Variants in SP8 observed in about 807,000 individuals in gnomAD.
SP8 encodes transcription factor Sp8.
A neutral mutation model predicts 15.3 loss-of-function variants in SP8; 7 were observed. The ratio of observed to expected loss-of-function variants is 0.46; its 90% CI spans 0.26 to 0.86. The LOEUF is 0.86. Ranked by LOEUF, SP8 falls within the 40% of genes least tolerant of loss-of-function variation. The pLI is 0.16. For synonymous variants in SP8, 415 were observed against 356.3 expected, an observed-to-expected ratio of 1.16 and a Z score of -1.86; for missense variants, 731 against 736.4, an observed-to-expected ratio of 0.99 and a Z score of 0.09.
In SP8 at chr7:20,785,404, G is replaced by A; in HGVS notation, c.413C>T (p.Pro138Leu). ...AAAAAAASSS[P>L]FANDYSVFQA... ...GAAAACAGAGTAGTCGTTGGCGAAGGGCGAGCTGGAGGCGGCGGCTGCGGC... is the reference window on the plus strand; with the variant it reads ...GAAAACAGAGTAGTCGTTGGCGAAGAGCGAGCTGGAGGCGGCGGCTGCGGC... Residue 138 changes from proline (P) to leucine (L), a missense_variant, in exon 2 of 2, where the codon CCC becomes CTC. Pro to Leu is a moderately conservative substitution (Grantham distance 98). Transcript: ENST00000418710. The surrounding 1 kb of genome is among the most constrained non-coding windows in gnomAD (Gnocchi z 7.2). 1 of 1,246,544 alleles carries A rather than the reference G, an allele frequency of 8.0e-7. No individual in the cohort carries two copies. The highest frequency in any genetic ancestry group is 1.0e-6 in the Non-Finnish European group (1 of 976,014). 77.2% of individuals were successfully genotyped at this position (1,246,544 alleles called of 1,614,324 possible).
At position 20,784,252 on chromosome 7, in the gene SP8, G is replaced by C; in HGVS notation, c.*38C>G. On this transcript the variant is annotated 3_prime_UTR_variant, in exon 2 of 2. Transcript: ENST00000418710. Reference sequence around the variant, plus strand: ...AGACAGGGCCCAAGAGGACTTGGTGGGAGGAGGTCGGGGAGAGGGGCGGGC... The same window carrying C: ...AGACAGGGCCCAAGAGGACTTGGTGCGAGGAGGTCGGGGAGAGGGGCGGGC... 1 of 1,430,930 alleles carries C rather than the reference G, an allele frequency of 7.0e-7. No individual in the cohort carries two copies. Among genetic ancestry groups the C allele is most frequent in the South Asian group, 1.5e-5 (1 of 68,718 alleles). The allele number at this position is 1,430,930 out of a possible 1,614,324, so 88.6% of individuals were successfully genotyped here.
At position 20,785,479 on chromosome 7, in the gene SP8, G is replaced by C. The variant is rs1369725281; in HGVS notation, c.338C>G (p.Ser113Cys). 7.9e-7 allele frequency: 1 copy of C among 1,262,164 alleles called. No individual in the cohort carries two copies. Among genetic ancestry groups the C allele is most frequent in the Non-Finnish European group, 1.0e-6 (1 of 997,724 alleles). 78.2% of individuals were successfully genotyped at this position (1,262,164 alleles called of 1,614,324 possible). A position where few individuals can be genotyped will look rare whatever the true frequency, so the allele number is the denominator to read the frequency against. The change falls in exon 2 of 2, where the codon TCC (serine) becomes TGC (cysteine). Residue 113 changes from serine (S) to cysteine (C), a missense_variant. Ser to Cys is a moderately radical substitution (Grantham distance 112). Transcript: ENST00000418710. The surrounding 1 kb of genome is among the most constrained non-coding windows in gnomAD (Gnocchi z 7.2). ...DSFSCGGSPG[S>C]SAFSLTSSSA... ...GCTGGAGGTGAGGGAGAAGGCGCTG[G>C]AGCCAGGCGAGCCGCCGCAGCTGAA...
rs368162750 is a variant in SP8, at chr7:20,784,872, C to A, written c.945G>T (p.Ser315=). The change falls in exon 2 of 2, where the codon TCG becomes TCT. Residue 315 remains serine, a synonymous_variant. Coordinates refer to ENST00000418710, the MANE Select transcript of SP8 (RefSeq NM_182700.6). ...TGGAGCCCCCCGCGCCGGCCAGCGG[C>A]GACGGGGCCGAGTCCGGGTAGGAGC... The part of the protein sequence containing the change: ...LPGSYPDSAP[S]PLAGAGGSML... 2 of 1,526,360 alleles carry A rather than the reference C, an allele frequency of 1.3e-6. No individual in the cohort carries two copies. The highest frequency in any genetic ancestry group is 8.7e-7 in the Non-Finnish European group (1 of 1,143,160). The allele number at this position is 1,526,360 out of a possible 1,614,324, so 94.6% of individuals were successfully genotyped here.
In SP8 at chr7:20,784,786, T is replaced by C. The variant is rs1345407182; in HGVS notation, c.1031A>G (p.Tyr344Cys). Residue 344 changes from tyrosine to cysteine, a missense_variant, in exon 2 of 2, where the codon TAC becomes TGC. Transcript: ENST00000418710. ...GGSPRSSARR[Y>C]SGRATCDCPN... ...GCAGTCGCAGGTGGCGCGGCCGGAG[T>C]AGCGGCGAGCTGAGGAGCGCGGGGA... 1.9e-6 allele frequency: 3 copies of C among 1,540,240 alleles called. No homozygotes were observed. Among genetic ancestry groups the C allele is most frequent in the South Asian group, 1.2e-5 (1 of 84,562 alleles).
At position 20,784,295 on chromosome 7, in the gene SP8, C is replaced by A; in HGVS notation, c.1522G>T (p.Glu508Ter). ...PPEPGHRNGLE is the reference protein window; with the variant it reads ...PPEPGHRNGL ...GGGCGGGCGCAGGGTGGGCGTCACT[C>A]TAGGCCGTTGCGGTGCCCGGGCTCG... Residue 508 changes from glutamate (E) to a stop codon, truncating the protein, a stop_gained, in exon 2 of 2, where the codon GAG becomes TAG. Transcript: ENST00000418710. LOFTEE classifies it high-confidence loss of function. The A allele has an allele frequency of 6.7e-7, 1 of 1,491,142 alleles. No homozygotes were observed. The highest frequency in any genetic ancestry group is 8.9e-7 in the Non-Finnish European group (1 of 1,128,376). The allele number at this position is 1,491,142 out of a possible 1,614,324, so 92.4% of individuals were successfully genotyped here.
chr7:20,786,644 A>G lies in SP8; in HGVS notation c.21+134T>C. 1.3e-6 allele frequency: 1 copy of G among 769,850 alleles called. No individual in the cohort carries two copies. Among genetic ancestry groups the G allele is most frequent in the Non-Finnish European group, 2.3e-6 (1 of 441,156 alleles). The allele number at this position is 769,850 out of a possible 1,614,324, so 47.7% of individuals were successfully genotyped here. A position where few individuals can be genotyped will look rare whatever the true frequency, so the allele number is the denominator to read the frequency against. ...TTTTCTTTTCTCCAAACTCACTTGTATTTAAAGAAAAAAAAAAAAAGCTCT... is the reference window on the plus strand; with the variant it reads ...TTTTCTTTTCTCCAAACTCACTTGTGTTTAAAGAAAAAAAAAAAAAGCTCT... On this transcript the variant is annotated intron_variant, in intron 1 of 1. Transcript: ENST00000418710. This position sits in a 1 kb window ranked among gnomAD's most constrained non-coding sequence, Gnocchi z 4.4.
rs1346875868 is a variant in SP8 at position 20,784,789 on chromosome 7, C to A, written c.1028G>T (p.Arg343Leu). Residue 343 changes from arginine (R) to leucine (L), a missense_variant, in exon 2 of 2, where the codon CGC becomes CTC. Around this residue, in one of 3 missense-constraint regions of SP8, gnomAD observed 586 missense variants for 524.9 expected, o/e 1.12. Transcript: ENST00000418710. ...GTCGCAGGTGGCGCGGCCGGAGTAGCGGCGAGCTGAGGAGCGCGGGGAGCC... is the reference window on the plus strand; with the variant it reads ...GTCGCAGGTGGCGCGGCCGGAGTAGAGGCGAGCTGAGGAGCGCGGGGAGCC... ...LGGSPRSSAR[R>L]YSGRATCDCP... 1.1e-5 allele frequency: 17 copies of A among 1,538,668 alleles called. No individual in the cohort carries two copies. The highest frequency in any genetic ancestry group is 1.5e-5 in the Non-Finnish European group (17 of 1,149,128).
chr7:20,785,529 AGCCGCGGCTGCTGCCGCGGCCGCCG>A lies in SP8; in HGVS notation c.263_287del (p.Ala88ValfsTer181). On this transcript the variant is annotated frameshift_variant, in exon 2 of 2. Coordinates refer to ENST00000418710, the MANE Select transcript of SP8 (RefSeq NM_182700.6). LOFTEE classifies it low-confidence loss of function (END_TRUNC). This position sits in a 1 kb window ranked among gnomAD's most constrained non-coding sequence, Gnocchi z 7.2. ...ACGAGTCGGACACCAGGGCCGCGGC[AGCCGCGGCTGCTGCCGCGGCCGCCG>A]CAGCCGCCGAGGACGAGCCGCCGTT... The A allele has an allele frequency of 8.7e-7, 1 of 1,143,700 alleles. No homozygotes were observed. The highest frequency in any genetic ancestry group is 1.7e-5 in the African/African-American group (1 of 57,698). The allele number at this position is 1,143,700 out of a possible 1,614,324, so 70.8% of individuals were successfully genotyped here. A position where few individuals can be genotyped will look rare whatever the true frequency, so the allele number is the denominator to read the frequency against.
chr7:20,785,953 A>T lies in SP8; in HGVS notation c.22-158T>A, dbSNP rs879469276. On this transcript the variant is annotated intron_variant, in intron 1 of 1. Transcript: ENST00000418710. The surrounding 1 kb of genome is among the most constrained non-coding windows in gnomAD (Gnocchi z 7.2). ...GCGCGCCGCCACCAACTCACCTGGC[A>T]CCCCCAACAGCCCCGGCGCCCGGCC... The T allele has an allele frequency of 1.4e-6, 2 of 1,457,508 alleles. No individual in the cohort carries two copies. The highest frequency in any genetic ancestry group is 1.8e-6 in the Non-Finnish European group (2 of 1,103,592). The allele number at this position is 1,457,508 out of a possible 1,614,324, so 90.3% of individuals were successfully genotyped here. A position where few individuals can be genotyped will look rare whatever the true frequency, so the allele number is the denominator to read the frequency against.
chr7:20,785,524 G>T lies in SP8; in HGVS notation c.293C>A (p.Ala98Glu). ...GCTGAACGAGTCGGACACCAGGGCC[G>T]CGGCAGCCGCGGCTGCTGCCGCGGC... ...AAAAAAAAAAAALVSDSFSCG... is the reference protein window; with the variant it reads ...AAAAAAAAAAEALVSDSFSCG... Residue 98 changes from alanine (A) to glutamate (E), a missense_variant, in exon 2 of 2, where the codon GCG becomes GAG. Coordinates refer to ENST00000418710, the MANE Select transcript of SP8 (RefSeq NM_182700.6). This position sits in a 1 kb window ranked among gnomAD's most constrained non-coding sequence, Gnocchi z 7.2. The T allele has an allele frequency of 6.9e-7, 1 of 1,441,266 alleles. No homozygotes were observed. The highest frequency in any genetic ancestry group is 9.0e-7 in the Non-Finnish European group (1 of 1,106,448). The allele number at this position is 1,441,266 out of a possible 1,614,324, so 89.3% of individuals were successfully genotyped here.
At position 20,784,144 on chromosome 7, in the gene SP8, G is replaced by A; in HGVS notation, c.*146C>T. ...CCCTTTACAAAGTTAAGTCACAGAA[G>A]GAAGAAGGAAGAGGGGCAGAAACAG... On this transcript the variant is annotated 3_prime_UTR_variant, in exon 2 of 2. Coordinates refer to ENST00000418710, the MANE Select transcript of SP8 (RefSeq NM_182700.6). 1.4e-6 allele frequency: 1 copy of A among 714,158 alleles called. No individual in the cohort carries two copies. The highest frequency in any genetic ancestry group is 2.9e-5 in the South Asian group (1 of 34,230). 44.2% of individuals were successfully genotyped at this position (714,158 alleles called of 1,614,324 possible).
At position 20,786,107 on chromosome 7, in the gene SP8, A is replaced by C. The variant is rs1356912023; in HGVS notation, c.22-312T>G. 1 of 957,074 alleles carries C rather than the reference A, an allele frequency of 1.0e-6. No individual in the cohort carries two copies. Among genetic ancestry groups the C allele is most frequent in the Non-Finnish European group, 1.3e-6 (1 of 764,180 alleles). 59.3% of individuals were successfully genotyped at this position (957,074 alleles called of 1,614,324 possible). On this transcript the variant is annotated intron_variant, in intron 1 of 1. Transcript: ENST00000418710. This position sits in a 1 kb window ranked among gnomAD's most constrained non-coding sequence, Gnocchi z 4.4. ...CACTCTCTTGCACACAAAGCCCCAG[A>C]CACTTCGTAACAAACAAGCAAAAAG...
chr7:20,784,901 G>T lies in SP8; in HGVS notation c.916C>A (p.Pro306Thr). 6.5e-7 allele frequency: 1 copy of T among 1,536,892 alleles called. No individual in the cohort carries two copies. ...HLMDGFKPVL[P>T]GSYPDSAPSP... The stretch of plus-strand genomic sequence containing the variant: ...GGGGCCGAGTCCGGGTAGGAGCCGG[G>T]TAGCACTGGCTTGAAGCCGTCCATG... Residue 306 changes from proline (P) to threonine (T), a missense_variant, in exon 2 of 2, where the codon CCC becomes ACC. By Grantham distance (38) the Pro-to-Thr change is conservative. Around this residue, in one of 3 missense-constraint regions of SP8, gnomAD observed 586 missense variants for 524.9 expected, o/e 1.12. Coordinates refer to ENST00000418710, the MANE Select transcript of SP8 (RefSeq NM_182700.6).
chr7:20,786,699 G>A lies in SP8; in HGVS notation c.21+79C>T. On this transcript the variant is annotated intron_variant, in intron 1 of 1. Coordinates refer to ENST00000418710, the MANE Select transcript of SP8 (RefSeq NM_182700.6). This position sits in a 1 kb window ranked among gnomAD's most constrained non-coding sequence, Gnocchi z 4.4. Reference sequence around the variant, plus strand: ...AGAGAGACTGATAGCCCGTGGCCTGGCCGGGGCGACTTTAACCCCCTCCAA... The same window carrying A: ...AGAGAGACTGATAGCCCGTGGCCTGACCGGGGCGACTTTAACCCCCTCCAA... 3 of 1,247,628 alleles carry A rather than the reference G, an allele frequency of 2.4e-6. No individual in the cohort carries two copies. The highest frequency in any genetic ancestry group is 1.2e-5 in the South Asian group (1 of 83,764). 77.3% of individuals were successfully genotyped at this position (1,247,628 alleles called of 1,614,324 possible). A position where few individuals can be genotyped will look rare whatever the true frequency, so the allele number is the denominator to read the frequency against.
chr7:20,786,506 G>A lies in SP8; in HGVS notation c.21+272C>T, dbSNP rs1426274295. Among the ~76,000 whole-genome samples the A allele has an allele frequency of 2.0e-5, 3 of 152,234 alleles. No individual in the cohort carries two copies. Among genetic ancestry groups the A allele is most frequent in the African/African-American group, 7.2e-5 (3 of 41,526 alleles). Reference sequence around the variant, plus strand: ...GAAATCGGTGCCTGTAAAATGGGCTGGACGCAGGTCTCCCGGGCAGGGAGC... The same window carrying A: ...GAAATCGGTGCCTGTAAAATGGGCTAGACGCAGGTCTCCCGGGCAGGGAGC... On this transcript the variant is annotated intron_variant, in intron 1 of 1. Transcript: ENST00000418710. This position sits in a 1 kb window ranked among gnomAD's most constrained non-coding sequence, Gnocchi z 4.4.
chr7:20,784,530 G>T lies in SP8; in HGVS notation c.1287C>A (p.Thr429=). Residue 429 remains threonine, a synonymous_variant, in exon 2 of 2, where the codon ACC becomes ACA. Transcript: ENST00000418710. The stretch of plus-strand genomic sequence containing the variant: ...CTGGACAGGCGAAGCGCTTCTCGCC[G>T]GTGTGGGTCCGCAGGTGCCGCTGCA... The part of the protein sequence containing the change: ...DELQRHLRTH[T]GEKRFACPVC... 1 of 1,580,306 alleles carries T rather than the reference G, an allele frequency of 6.3e-7. No homozygotes were observed.
At position 20,785,406 on chromosome 7, in the gene SP8, C is replaced by T. The variant is rs753201645; in HGVS notation, c.411G>A (p.Ser137=). ...AAAAAAAASS[S]PFANDYSVFQ... is the part of the protein sequence containing the mutation. ...AAACAGAGTAGTCGTTGGCGAAGGG[C>T]GAGCTGGAGGCGGCGGCTGCGGCGG... Residue 137 remains serine, a synonymous_variant, in exon 2 of 2, where the codon TCG becomes TCA. Transcript: ENST00000418710. This position sits in a 1 kb window ranked among gnomAD's most constrained non-coding sequence, Gnocchi z 7.2. The T allele has an allele frequency of 8.9e-6, 11 of 1,242,334 alleles. No homozygotes were observed. Among genetic ancestry groups the T allele is most frequent in the African/African-American group, 1.6e-5 (1 of 62,508 alleles). 77.0% of individuals were successfully genotyped at this position (1,242,334 alleles called of 1,614,324 possible).
chr7:20,785,739 C>G lies in SP8; in HGVS notation c.78G>C (p.Lys26Asn). 1 of 1,611,034 alleles carries G rather than the reference C, an allele frequency of 6.2e-7. No individual in the cohort carries two copies. The highest frequency in any genetic ancestry group is 1.1e-5 in the South Asian group (1 of 91,030). ...PLAMLAATCN[K>N]IGSPSPSPSS... The stretch of plus-strand genomic sequence containing the variant: ...AGGGAGACGGGCTGGGGCTGCCTAT[C>G]TTATTACAGGTAGCGGCAAGCATGG... The change falls in exon 2 of 2, where the codon AAG becomes AAC. Residue 26 changes from lysine (K) to asparagine (N), a missense_variant. By Grantham distance (94) the Lys-to-Asn change is moderately conservative (BLOSUM62 0). Coordinates refer to ENST00000418710, the MANE Select transcript of SP8 (RefSeq NM_182700.6). The surrounding 1 kb of genome is among the most constrained non-coding windows in gnomAD (Gnocchi z 7.2).
At position 20,786,664 on chromosome 7, in the gene SP8, A is replaced by T; in HGVS notation, c.21+114T>A. 4 of 808,094 alleles carry T rather than the reference A, an allele frequency of 4.9e-6. No individual in the cohort carries two copies. The highest frequency in any genetic ancestry group is 2.2e-5 in the Admixed American group (1 of 45,084). 50.1% of individuals were successfully genotyped at this position (808,094 alleles called of 1,614,324 possible). ...CTTGTATTTAAAGAAAAAAAAAAAA[A>T]GCTCTCAATAGAGAGACTGATAGCC... On this transcript the variant is annotated intron_variant, in intron 1 of 1. Coordinates refer to ENST00000418710, the MANE Select transcript of SP8 (RefSeq NM_182700.6). The surrounding 1 kb of genome is among the most constrained non-coding windows in gnomAD (Gnocchi z 4.4).
Sources: allele counts gnomAD v4.1 joint callset (sites outside exome capture counted in the v4.1 genomes callset), GRCh38; gene constraint gnomAD v4.1.1; regional missense constraint gnomAD v4.1.1; non-coding constraint Gnocchi (gnomAD v3.1); transcripts MANE v1.5; gene names NCBI Gene and HGNC (gene_info 2026-07-23, HGNC 2026-07-21).